CABP1: variants seen among roughly 807,000 people sequenced by gnomAD.
CABP1 encodes calcium binding protein 1, also known as calcium-binding protein 1.
CABP1 carries 17 observed loss-of-function variants against 34.3 expected under a neutral mutation model. That is an observed-to-expected ratio of 0.50 (90% CI 0.34 to 0.74). CABP1 has a LOEUF of 0.74. CABP1 is among the 30% of genes least tolerant of loss of function. The pLI is 0.01. For missense variants in CABP1, 373 were observed against 511.1 expected, an observed-to-expected ratio of 0.73 and a Z score of 2.61; for synonymous variants, 198 against 229.2, an observed-to-expected ratio of 0.86 and a Z score of 1.23.
chr12:120,653,849 G>A (rs1434115808), intron 1 of CABP1, among the ~76,000 whole-genome samples: 4 of 152,146 alleles, frequency 2.6e-5, no homozygotes, highest in African/African-American at 9.7e-5. Flanking sequence ...TTGGAGTTCT[G>A]TGCCACCTGC....
intron 1 of CABP1, among the ~76,000 whole-genome samples, chr12:120,651,750 G>T (rs546681593): frequency 6.6e-6 from 1 of 152,146 alleles, no homozygotes; most frequent in Non-Finnish European, 1.5e-5. Context: ...TGGCTAAGCT[G>T]CTCACATCAA....
intron 5 of CABP1, chr12:120,662,239 C>T (rs1448101531): frequency 1.3e-5 from 2 of 152,394 alleles, no homozygotes; most frequent in Non-Finnish European, 2.9e-5. Context: ...CAGCTCACCT[C>T]CCCAGCCACA....
At chr12:120,655,468 A>C in intron 1 of CABP1, 1 of 980,870 alleles carries the variant, frequency 1.0e-6, no homozygotes, top group Non-Finnish European at 1.2e-6. Context: ...ACTTTGCCCC[A>C]GTCCCCACCT....
At chr12:120,680,199 C>T in the CABP1 span, among the ~76,000 whole-genome samples, 1 of 152,126 alleles carries the variant, frequency 6.6e-6, no homozygotes, top group Non-Finnish European at 1.5e-5. Flanking sequence ...TCTTCCATGT[C>T]GTCTGCATTT....
chr12:120,655,383 A>C (rs934420907), intron 1 of CABP1: 1 of 214,818 alleles, frequency 4.7e-6, no homozygotes, highest in African/African-American at 2.3e-5. Flanking sequence ...CAGTGAGCCA[A>C]GATCACGCCA....
intron 5 of CABP1, among the ~76,000 whole-genome samples, chr12:120,666,576 G>A (rs1203030134): frequency 2.0e-5 from 3 of 152,164 alleles, no homozygotes; most frequent in Non-Finnish European, 4.4e-5. Flanking sequence ...CAGAGGTTGG[G>A]AGTTAGCCTG....
the CABP1 span, among the ~76,000 whole-genome samples, chr12:120,674,498 G>A: frequency 6.6e-6 from 1 of 152,228 alleles, no homozygotes; most frequent in East Asian, 1.9e-4. Context: ...GGAGGTGCCT[G>A]CTGCTTGCTT....
downstream of CABP1, among the ~76,000 whole-genome samples, chr12:120,668,589 T>C (rs1434516130): frequency 6.6e-6 from 1 of 152,242 alleles, no homozygotes; most frequent in Non-Finnish European, 1.5e-5. Context: ...GCTCAGTTTC[T>C]TCCTGTGTAA....
At chr12:120,656,285 GCC>G in intron 1 of CABP1, 1 of 1,527,500 alleles carries the variant, frequency 6.5e-7, no homozygotes, top group Non-Finnish European at 8.8e-7. Context: ...ACGTAAGTTG[GCC>G]CAGTGGAGCC....
At chr12:120,659,954 A>G (rs746832452) in intron 2 of CABP1, 46 bp downstream of exon 2, 35 of 1,580,228 alleles carry the variant, frequency 2.2e-5, no homozygotes, top group Admixed American at 5.3e-5. Context: ...GCCCTCTAGG[A>G]AGGTGTGGGA....
chr12:120,667,380 T>C (rs1881075663), downstream of CABP1: 1 of 178,002 alleles, frequency 5.6e-6, no homozygotes, highest in Non-Finnish European at 1.2e-5. Context: ...TCACATTTCC[T>C]GAGTACCAAC....
At chr12:120,655,754 A>G in intron 1 of CABP1, 1 of 1,470,330 alleles carries the variant, frequency 6.8e-7, no homozygotes, top group Non-Finnish European at 9.0e-7. Flanking sequence ...TGAGAATAGA[A>G]GCCCCCCGCT....
intron 1 of CABP1, chr12:120,656,035 G>T (rs766086473): frequency 2.5e-6 from 4 of 1,611,032 alleles, no homozygotes; most frequent in Non-Finnish European, 3.4e-6. Context: ...CAGGAGCCAG[G>T]CTGGGCAGGG....
intron 1 of CABP1, chr12:120,650,433 CAA>C (rs11322476): frequency 0.049 from 59,565 of 1,205,756 alleles, 401 homozygotes; most frequent in East Asian, 0.24. Context: ...ACAATCCACC[CAA>C]AAAAAAAAAA....
rs575224469 is a variant in CABP1, at chr12:120,664,041, G to A, written c.1087+2823G>A. Among the ~76,000 whole-genome samples the A allele has an allele frequency of 2.6e-5, 4 of 152,322 alleles. No homozygotes were observed. The South Asian group carries it at 8.3e-4, about 32-fold the overall frequency. ...TCAAGGCCAGGGAGCGTGGATAGTT[G>A]GAGAGAAGGCTTTGTTATCACCAGA... On this transcript the variant is annotated intron_variant, in intron 5 of 5. Coordinates refer to ENST00000316803, the MANE Select transcript of CABP1 (RefSeq NM_001033677.2).
intron 5 of CABP1, among the ~76,000 whole-genome samples, chr12:120,666,186 A>G (rs1880967250): frequency 7.5e-6 from 1 of 133,008 alleles, no homozygotes; most frequent in African/African-American, 3.0e-5. Flanking sequence ...CGACAGAGGG[A>G]GACTCTGTCT....
Position 120,649,264 on chromosome 12 carries a change from C to T in CABP1, c.654+7925C>T, listed in dbSNP as rs543428256. Among the ~76,000 whole-genome samples the T allele has an allele frequency of 3.3e-5, 5 of 152,298 alleles. No homozygotes were observed. In the East Asian group the frequency reaches 9.6e-4, roughly 29 times the overall value. ...CTAACAGGAGTTCTGAGCAGCCCCC[C>T]CACACGGGAGAAAAGTTCCTGGGAA... On this transcript the variant is annotated intron_variant, in intron 1 of 5. Coordinates refer to ENST00000316803, the MANE Select transcript of CABP1 (RefSeq NM_001033677.2).
In CABP1 at chr12:120,641,585, T is replaced by A. The variant is rs1879332898; in HGVS notation, c.654+246T>A. 2 of 357,626 alleles carry A rather than the reference T, an allele frequency of 5.6e-6. No individual in the cohort carries two copies. Among genetic ancestry groups the A allele is most frequent in the Non-Finnish European group, 9.9e-6 (2 of 202,934 alleles). 22.2% of individuals were successfully genotyped at this position (357,626 alleles called of 1,614,324 possible). On this transcript the variant is annotated intron_variant, in intron 1 of 5. Transcript: ENST00000316803. The surrounding 1 kb of genome is among the most constrained non-coding windows in gnomAD (Gnocchi z 6.7). ...AGGCCCTCCCCGCTAGCCTCCCTCA[T>A]ACCCGCCAGAACCCGCCAGTCCTGG...
chr12:120,654,618 G>A (rs909371735), intron 1 of CABP1, among the ~76,000 whole-genome samples: 5 of 149,636 alleles, frequency 3.3e-5, no homozygotes, highest in Non-Finnish European at 6.0e-5. Flanking sequence ...CCCCCACATT[G>A]AAGGAAGGTA....
Sources: allele counts gnomAD v4.1 joint callset (sites outside exome capture counted in the v4.1 genomes callset), GRCh38; gene constraint gnomAD v4.1.1; non-coding constraint Gnocchi (gnomAD v3.1); transcripts MANE v1.5; gene names NCBI Gene and HGNC (gene_info 2026-07-23, HGNC 2026-07-21).